Variants in ATAD2B observed in about 807,000 individuals in gnomAD.
ATAD2B encodes ATPase family AAA domain containing 2B.
Under a neutral mutation model 167.6 loss-of-function variants are expected in ATAD2B, and 40 were observed. That is an observed-to-expected ratio of 0.24 (90% confidence interval 0.19 to 0.31). ATAD2B has a LOEUF of 0.31. ATAD2B is among the 10% of genes least tolerant of loss of function. The probability of loss-of-function intolerance (pLI) is 1.00; values close to 1 mark genes in which losing one functional copy is unlikely to be tolerated. For synonymous variants in ATAD2B, 579 were observed against 596.5 expected (o/e 0.97, Z 0.43); for missense variants, 1,242 against 1,757.2 (o/e 0.71, Z 5.24).
the ATAD2B span, among the ~76,000 whole-genome samples, chr2:23,741,792 G>T: frequency 6.6e-6 from 1 of 152,146 alleles, no homozygotes; most frequent in Admixed American, 6.5e-5. Context: ...GAAAATTTTT[G>T]CAACCTACTC....
At chr2:23,920,088 T>C (rs949479756) in intron 1 of ATAD2B, among the ~76,000 whole-genome samples, 1 of 151,062 alleles carries the variant, frequency 6.6e-6, no homozygotes, top group Non-Finnish European at 1.5e-5. Context: ...GAAGCGGAGG[T>C]TGCAGTGAGG....
chr2:23,918,743 G>A (rs1703447504), intron 1 of ATAD2B, among the ~76,000 whole-genome samples: 1 of 152,152 alleles, frequency 6.6e-6, no homozygotes, highest in African/African-American at 2.4e-5. Flanking sequence ...GGAAACTACT[G>A]ATTGAACAAC....
At chr2:23,833,000 C>T (rs932554880) in intron 14 of ATAD2B, among the ~76,000 whole-genome samples, 3 of 152,162 alleles carry the variant, frequency 2.0e-5, no homozygotes, top group Non-Finnish European at 4.4e-5. Context: ...GAAAATAATG[C>T]TGTATATGCT....
chr2:23,768,642 C>G (rs897460849), intron 22 of ATAD2B, among the ~76,000 whole-genome samples: 3 of 151,946 alleles, frequency 2.0e-5, no homozygotes, highest in Non-Finnish European at 4.4e-5. Context: ...ATTTTCCTCC[C>G]TTCACCCTTC....
At chr2:23,817,422 G>A (rs921210012) in intron 17 of ATAD2B, among the ~76,000 whole-genome samples, 1 of 152,146 alleles carries the variant, frequency 6.6e-6, no homozygotes, top group Non-Finnish European at 1.5e-5. Flanking sequence ...TATCTAATTT[G>A]TAAAAAGCAC....
the ATAD2B span, among the ~76,000 whole-genome samples, chr2:23,734,990 A>G: frequency 1.2e-4 from 18 of 152,184 alleles, no homozygotes; most frequent in African/African-American, 3.1e-4. Context: ...GGTAGTTACT[A>G]TATCTTGTTG....
intron 12 of ATAD2B, 85 bp downstream of exon 12, chr2:23,863,296 G>A: frequency 7.4e-7 from 1 of 1,348,178 alleles, no homozygotes; most frequent in Non-Finnish European, 1.0e-6. Flanking sequence ...CTGGGTAACA[G>A]AGAGAGGCCC....
intron 1 of ATAD2B, among the ~76,000 whole-genome samples, chr2:23,921,010 G>A (rs890480550): frequency 6.6e-6 from 1 of 151,948 alleles, no homozygotes; most frequent in African/African-American, 2.4e-5. Context: ...TTCGAGACCA[G>A]CCTGACCAAC....
the ATAD2B span, chr2:23,693,246 T>C: frequency 2.6e-6 from 4 of 1,527,654 alleles, no homozygotes; most frequent in Non-Finnish European, 3.5e-6. Context: ...TTTGGGTCAG[T>C]GGTCCTGCGC....
intron 17 of ATAD2B, among the ~76,000 whole-genome samples, chr2:23,819,119 A>G (rs890634158): frequency 2.0e-5 from 3 of 152,186 alleles, no homozygotes; most frequent in African/African-American, 7.2e-5. Flanking sequence ...AAAAAGCAAT[A>G]AAGTTGGGGC....
intron 7 of ATAD2B, among the ~76,000 whole-genome samples, chr2:23,878,025 A>AAAAAAAAAAAAAAAAAAAAAAAC (rs1558714074): frequency 9.3e-6 from 1 of 106,972 alleles, no homozygotes; most frequent in Non-Finnish European, 2.1e-5. Context: ...AAAAAAAAAA[A>AAAAAAAAAAAAAAAAAAAAAAAC]AAAAAAAAAA....
rs764799501 is a variant in ATAD2B, at chr2:23,810,286, T to C, written c.2454+30A>G. On this transcript the variant is annotated intron_variant, in intron 18 of 27. Transcript: ENST00000238789. ...ACCAAATTATAAGCAATAAGAAAGTTGGAAGTGCTCTGATGTGGTACAAAC... is the reference window on the plus strand; with the variant it reads ...ACCAAATTATAAGCAATAAGAAAGTCGGAAGTGCTCTGATGTGGTACAAAC... The C allele has an allele frequency of 8.9e-6, 14 of 1,568,716 alleles. No homozygotes were observed. The South Asian group carries it at 1.5e-4, about 17-fold the overall frequency.
At chr2:23,794,697 A>C (rs1682328376) in intron 19 of ATAD2B, among the ~76,000 whole-genome samples, 2 of 152,092 alleles carry the variant, frequency 1.3e-5, no homozygotes, top group Non-Finnish European at 2.9e-5. Flanking sequence ...CATGAAATAT[A>C]CTGTACTATT....
intron 15 of ATAD2B, among the ~76,000 whole-genome samples, chr2:23,824,034 T>C (rs985194747): frequency 1.3e-4 from 20 of 152,152 alleles, no homozygotes; most frequent in African/African-American, 4.8e-4. Context: ...CTGCAACCTC[T>C]ACCTCCCAGC....
At chr2:23,883,870 G>C (rs929147560) in intron 6 of ATAD2B, among the ~76,000 whole-genome samples, 1 of 152,164 alleles carries the variant, frequency 6.6e-6, no homozygotes, top group African/African-American at 2.4e-5. Context: ...CAGGCCGGGT[G>C]CAGTGGCTCA....
At chr2:23,745,300 C>A (rs1011881023), downstream of ATAD2B, among the ~76,000 whole-genome samples, 4 of 145,368 alleles carry the variant, frequency 2.8e-5, no homozygotes, top group Admixed American at 7.1e-5. Context: ...CAAGCAAGCA[C>A]GCACGCAAGA....
At chr2:23,741,165 CT>C in the ATAD2B span, among the ~76,000 whole-genome samples, 1 of 151,444 alleles carries the variant, frequency 6.6e-6, no homozygotes, top group African/African-American at 2.4e-5. Flanking sequence ...CCCAATCAAG[CT>C]ACCAATGACT....
intron 22 of ATAD2B, among the ~76,000 whole-genome samples, chr2:23,766,235 TA>T (rs1677395631): frequency 6.6e-6 from 1 of 152,178 alleles, no homozygotes; most frequent in Admixed American, 6.5e-5. Flanking sequence ...AAAATGGTAC[TA>T]AAAGAGGAGC....
At chr2:23,680,919 A>G in the ATAD2B span, among the ~76,000 whole-genome samples, 2 of 152,172 alleles carry the variant, frequency 1.3e-5, no homozygotes, top group Non-Finnish European at 2.9e-5. The surrounding 1 kb of genome is among the most constrained non-coding windows in gnomAD (Gnocchi z 4.1). Flanking sequence ...GAGGCCTGCA[A>G]ATCTCCCACA....
Sources: gnomAD v4.1 joint callset for allele counts (sites outside exome capture counted in the v4.1 genomes callset) on GRCh38, gnomAD v4.1.1 for gene constraint, Gnocchi (gnomAD v3.1) non-coding constraint, MANE v1.5 for transcripts, NCBI Gene and HGNC (gene_info 2026-07-23, HGNC 2026-07-21) for gene names.